Variants in PTPRD observed in about 807,000 individuals in gnomAD.
PTPRD encodes protein tyrosine phosphatase receptor type D.
A neutral mutation model predicts 214.5 loss-of-function variants in PTPRD; 34 were observed. That is an observed-to-expected ratio of 0.16 (90% CI 0.12 to 0.21). The LOEUF (loss-of-function observed/expected upper bound fraction) is 0.21, where lower values mean the gene tolerates loss of function less well. PTPRD is among the 10% of genes least tolerant of loss of function. The probability of loss-of-function intolerance (pLI) is 1.00; values close to 1 mark genes in which losing one functional copy is unlikely to be tolerated. For synonymous variants in PTPRD, 1,128 were observed against 845.7 expected (o/e 1.33, Z -5.79); for missense variants, 2,545 against 2,398.7 (o/e 1.06, Z -1.27).
intron 39 of PTPRD, among the ~76,000 whole-genome samples, chr9:8,358,890 G>A (rs1398767459): frequency 1.3e-5 from 2 of 151,294 alleles, no homozygotes; most frequent in African/African-American, 4.9e-5. Context: ...GGCGGATCAC[G>A]AGGTCAGGAG....
At chr9:8,353,838 A>ATG (rs756242146) in intron 39 of PTPRD, among the ~76,000 whole-genome samples, 8,779 of 46,636 alleles carry the variant, frequency 0.19, 925 homozygotes, top group Admixed American at 0.3. Context: ...ATATGTATAT[A>ATG]TGTATATATG....
chr9:9,672,927 G>A (rs550590663), intron 7 of PTPRD, among the ~76,000 whole-genome samples: 1 of 151,950 alleles, frequency 6.6e-6, no homozygotes, highest in Admixed American at 6.6e-5. Flanking sequence ...CCTGACATTG[G>A]TATTTGACTC....
intron 3 of PTPRD, among the ~76,000 whole-genome samples, chr9:10,126,523 C>T (rs576714138): frequency 3.1e-4 from 47 of 151,508 alleles, no homozygotes; most frequent in African/African-American, 1.1e-3. Context: ...CAATTCGTTA[C>T]GAATTTTGTA....
At chr9:8,742,636 A>G (rs993838310) in intron 11 of PTPRD, among the ~76,000 whole-genome samples, 1 of 152,196 alleles carries the variant, frequency 6.6e-6, no homozygotes, top group Non-Finnish European at 1.5e-5. Flanking sequence ...TACTATGAAA[A>G]GCAATTTTAA....
At chr9:9,522,319 T>C (rs1428670540) in intron 8 of PTPRD, among the ~76,000 whole-genome samples, 1 of 152,178 alleles carries the variant, frequency 6.6e-6, no homozygotes, top group African/African-American at 2.4e-5. Flanking sequence ...GTTTCATTTC[T>C]AGCTAAAGCC....
At chr9:8,709,938 T>G (rs941314307) in intron 12 of PTPRD, among the ~76,000 whole-genome samples, 1 of 152,194 alleles carries the variant, frequency 6.6e-6, no homozygotes, top group Admixed American at 6.5e-5. Context: ...TCAGACAACC[T>G]AGGTATGAAT....
chr9:8,520,599 A>G (rs1042585714), intron 20 of PTPRD, among the ~76,000 whole-genome samples: 6 of 152,192 alleles, frequency 3.9e-5, no homozygotes, highest in African/African-American at 1.2e-4. Context: ...AATTCTATAA[A>G]CACTAGGGGA....
At chr9:9,923,130 G>C (rs2083113337) in intron 5 of PTPRD, among the ~76,000 whole-genome samples, 1 of 150,888 alleles carries the variant, frequency 6.6e-6, no homozygotes, top group South Asian at 2.1e-4. Context: ...GGGGGTGTGT[G>C]TGTGTGTGTG....
Position 10,603,998 on chromosome 9 carries a change from C to A in PTPRD, c.-600+8400G>T, listed in dbSNP as rs1037382499. On this transcript the variant is annotated intron_variant, in intron 2 of 45. Coordinates refer to ENST00000381196, the MANE Select transcript of PTPRD (RefSeq NM_002839.4). Reference sequence around the variant, plus strand: ...TCTATTTAATAATGTTAATAACACACCCTTTAATTGTTCATAAGGCCAACA... The same window carrying A: ...TCTATTTAATAATGTTAATAACACAACCTTTAATTGTTCATAAGGCCAACA... Among the ~76,000 whole-genome samples the A allele has an allele frequency of 5.3e-5, 8 of 151,846 alleles. No homozygotes were observed. The East Asian group carries it at 5.8e-4, about 11-fold the overall frequency.
chr9:9,009,382 G>A (rs1178616252), intron 11 of PTPRD, among the ~76,000 whole-genome samples: 4 of 151,830 alleles, frequency 2.6e-5, no homozygotes, highest in South Asian at 2.1e-4. Flanking sequence ...AGTGTCTAAA[G>A]GCTCCACAAA....
chr9:8,892,430 G>T (rs1226710214), intron 11 of PTPRD, among the ~76,000 whole-genome samples: 1 of 151,916 alleles, frequency 6.6e-6, no homozygotes, highest in African/African-American at 2.4e-5. Flanking sequence ...CCAAGAATCT[G>T]TGTTAAGCAC....
intron 3 of PTPRD, among the ~76,000 whole-genome samples, chr9:10,207,177 C>T (rs994846001): frequency 2.0e-5 from 3 of 152,098 alleles, no homozygotes; most frequent in African/African-American, 7.2e-5. Context: ...ACTTCTTTTC[C>T]TCACTCCATA....
chr9:8,364,832 C>T (rs1195195096), intron 39 of PTPRD, among the ~76,000 whole-genome samples: 1 of 152,220 alleles, frequency 6.6e-6, no homozygotes, highest in Non-Finnish European at 1.5e-5. Context: ...TCCCATTATT[C>T]ATGGGCTTGA....
chr9:8,485,928 G>A lies in PTPRD; in HGVS notation c.2889C>T (p.Ile963=), dbSNP rs3824417. The A allele has an allele frequency of 3.5e-3, 5,586 of 1,614,202 alleles. 162 individuals are homozygous for A. In the East Asian group the frequency reaches 0.062, roughly 18 times the overall value. The change falls in exon 28 of 46, where the codon ATC becomes ATT. Residue 963 remains isoleucine, a synonymous_variant. Transcript: ENST00000381196. The part of the protein sequence containing the change: ...KYTLLYRDIN[I]PLLPMEQLIV... ...TAAGCTGCTCCATCGGGAGAAGGGG[G>A]ATGTTGATATCCCTATAAAGAAGGG... is the stretch of plus-strand genomic sequence containing the variant.
chr9:10,066,857 T>C (rs2097895748), intron 3 of PTPRD, among the ~76,000 whole-genome samples: 1 of 151,966 alleles, frequency 6.6e-6, no homozygotes, highest in Admixed American at 6.6e-5. Flanking sequence ...ATATTTGTAC[T>C]GTCTCGTGTT....
rs922414405 is a variant in PTPRD, at chr9:8,485,524, A to C, written c.3056-200T>G. On this transcript the variant is annotated intron_variant, in intron 28 of 45. Coordinates refer to ENST00000381196, the MANE Select transcript of PTPRD (RefSeq NM_002839.4). ...CTTTCCTTTCTCTCCAATTCAGCCA[A>C]CTCTATTGTGTTTTCCTTACCTGAG... The C allele has an allele frequency of 1.9e-5, 12 of 620,362 alleles. No individual in the cohort carries two copies. The Admixed American group carries it at 3.6e-4, about 19-fold the overall frequency. 38.4% of individuals were successfully genotyped at this position (620,362 alleles called of 1,614,324 possible).
In PTPRD at chr9:9,823,858, G is replaced by T. The variant is rs142131749; in HGVS notation, c.-367-57007C>A. 7.2e-4 allele frequency among the ~76,000 whole-genome samples: 109 copies of T among 152,014 alleles called. 1 individual carries two copies. Among genetic ancestry groups the T allele is most frequent in the African/African-American group, 2.5e-3 (103 of 41,494 alleles). ...TATTGTATATTTCAAAATAATTAGAGGAGCAAATCTGAAATGTTCCCAACA... is the reference window on the plus strand; with the variant it reads ...TATTGTATATTTCAAAATAATTAGATGAGCAAATCTGAAATGTTCCCAACA... On this transcript the variant is annotated intron_variant, in intron 5 of 45. Coordinates refer to ENST00000381196, the MANE Select transcript of PTPRD (RefSeq NM_002839.4).
intron 2 of PTPRD, among the ~76,000 whole-genome samples, chr9:10,451,580 T>C (rs1473591117): frequency 6.6e-6 from 1 of 151,574 alleles, no homozygotes; most frequent in African/African-American, 2.4e-5. Flanking sequence ...ATCTACCTCG[T>C]AGTGTTGTTT....
chr9:8,792,819 C>A (rs2096279874), intron 11 of PTPRD, among the ~76,000 whole-genome samples: 1 of 152,076 alleles, frequency 6.6e-6, no homozygotes, highest in African/African-American at 2.4e-5. Flanking sequence ...TTCTCCATTT[C>A]TCTCCATTCT....
Sources: gnomAD v4.1 joint callset for allele counts (sites outside exome capture counted in the v4.1 genomes callset) on GRCh38, gnomAD v4.1.1 for gene constraint, MANE v1.5 for transcripts, NCBI Gene and HGNC (gene_info 2026-07-23, HGNC 2026-07-21) for gene names.